Variants in ADAMTS19 observed in about 807,000 individuals in gnomAD.
ADAMTS19 encodes ADAM metallopeptidase with thrombospondin type 1 motif 19.
In ADAMTS19, 93 loss-of-function variants were observed where a neutral mutation model predicts 153.3. The ratio of observed to expected loss-of-function variants is 0.61; its 90% CI spans 0.51 to 0.72. The LOEUF (loss-of-function observed/expected upper bound fraction) is 0.72. Among genes scored for constraint, ADAMTS19 ranks in the 30% least tolerant of loss-of-function variants. The pLI is 0.00. For synonymous variants in ADAMTS19, 600 were observed against 556.6 expected (o/e 1.08, Z -1.10); for missense variants, 1,482 against 1,552.1 (o/e 0.95, Z 0.76).
At chr5:129,524,464 A>G (rs1276837494) in intron 3 of ADAMTS19, among the ~76,000 whole-genome samples, 1 of 152,194 alleles carries the variant, frequency 6.6e-6, no homozygotes, top group Non-Finnish European at 1.5e-5. Context: ...ATGGGATCTA[A>G]TTAAACTGAA....
At chr5:129,478,307 C>A (rs1580988998) in intron 2 of ADAMTS19, among the ~76,000 whole-genome samples, 1 of 152,208 alleles carries the variant, frequency 6.6e-6, no homozygotes, top group East Asian at 1.9e-4. Context: ...AGTTCCTTAG[C>A]ACAAATCTGG....
At chr5:129,642,739 G>A (rs541800967) in intron 11 of ADAMTS19, among the ~76,000 whole-genome samples, 16 of 152,094 alleles carry the variant, frequency 1.1e-4, no homozygotes, top group Non-Finnish European at 2.2e-4. Flanking sequence ...AAATAGCAAC[G>A]TAAAGAACCT....
In ADAMTS19 at chr5:129,641,988, A is replaced by G. The variant is rs569335929; in HGVS notation, c.1872+28A>G. The G allele has an allele frequency of 1.2e-5, 17 of 1,421,352 alleles. No homozygotes were observed. The South Asian group carries it at 2.0e-4, about 17-fold the overall frequency. 88.0% of individuals were successfully genotyped at this position (1,421,352 alleles called of 1,614,324 possible). A position where few individuals can be genotyped will look rare whatever the true frequency, so the allele number is the denominator to read the frequency against. On this transcript the variant is annotated intron_variant, in intron 11 of 22. Transcript: ENST00000274487. ...AAGTCATTTGTGTTGTCTGAATTTA[A>G]TGAGCATACTAGATGAAACTTGAGA...
At chr5:129,670,113 A>G (rs907695145) in intron 16 of ADAMTS19, among the ~76,000 whole-genome samples, 7 of 152,176 alleles carry the variant, frequency 4.6e-5, no homozygotes, top group Admixed American at 6.5e-5. Context: ...GTTACTCAAA[A>G]TTATTACTTT....
In ADAMTS19 at chr5:129,622,252, G is replaced by C. The variant is rs1417774569; in HGVS notation, c.1674G>C (p.Val558=). The C allele has an allele frequency of 6.2e-7, 1 of 1,613,986 alleles. No homozygotes were observed. Among genetic ancestry groups the C allele is most frequent in the Non-Finnish European group, 8.5e-7 (1 of 1,179,996 alleles). ...CAAATCCGCAGAGTGTCAATTCTGT[G>C]ATGGTTCCCTCCAAGCTGCCAGGGA... ...LQTNPQSVNS[V]MVPSKLPGMT... is the part of the protein sequence containing the mutation. Residue 558 remains valine, a synonymous_variant, in exon 10 of 23, where the codon GTG becomes GTC. Coordinates refer to ENST00000274487, the MANE Select transcript of ADAMTS19 (RefSeq NM_133638.6).
rs1330160460 is a variant in ADAMTS19 at position 129,654,370 on chromosome 5, AGTGATGGATGGAACTTCTT to A, written c.2245_2263del (p.Met749AlafsTer5). The A allele has an allele frequency of 6.8e-6, 11 of 1,613,278 alleles. No homozygotes were observed. Among genetic ancestry groups the A allele is most frequent in the Non-Finnish European group, 9.3e-6 (11 of 1,179,730 alleles). On this transcript the variant is annotated frameshift_variant, in exon 14 of 23. Transcript: ENST00000274487. LOFTEE classifies it high-confidence loss of function. ...AACAGCCTATTCTTCTATCAGAAAA[AGTGATGGATGGAACTTCTT>A]GTGGCTATCAGGGATTAGATATCTG...
chr5:129,559,179 G>T (rs1753414489), intron 7 of ADAMTS19, among the ~76,000 whole-genome samples: 1 of 151,894 alleles, frequency 6.6e-6, no homozygotes, highest in Admixed American at 6.6e-5. Flanking sequence ...TATTATTGAA[G>T]ACATTACAAT....
intron 2 of ADAMTS19, among the ~76,000 whole-genome samples, chr5:129,465,052 T>C (rs1749806352): frequency 6.6e-6 from 1 of 152,088 alleles, no homozygotes; most frequent in African/African-American, 2.4e-5. Flanking sequence ...AACAGGGAAA[T>C]ACAATAGGTT....
In ADAMTS19 at chr5:129,700,002, C is replaced by T. The variant is rs151028707; in HGVS notation, c.2955-1386C>T. 3.5e-3 allele frequency among the ~76,000 whole-genome samples: 527 copies of T among 152,188 alleles called. 8 individuals carry two copies. The highest frequency in any genetic ancestry group is 0.017 in the Middle Eastern group (5 of 294). ...CTAATAAGGTACCTACAAATAACCTCGGGGATTCTGACTGCTCTATATTGT... is the reference window on the plus strand; with the variant it reads ...CTAATAAGGTACCTACAAATAACCTTGGGGATTCTGACTGCTCTATATTGT... On this transcript the variant is annotated intron_variant, in intron 19 of 22. Coordinates refer to ENST00000274487, the MANE Select transcript of ADAMTS19 (RefSeq NM_133638.6).
At chr5:129,617,560 C>T (rs1751586530) in intron 8 of ADAMTS19, among the ~76,000 whole-genome samples, 1 of 152,032 alleles carries the variant, frequency 6.6e-6, no homozygotes, top group South Asian at 2.1e-4. Flanking sequence ...AAGATTATGC[C>T]ACCACAGATG....
intron 21 of ADAMTS19, among the ~76,000 whole-genome samples, chr5:129,706,756 AC>A (rs1257074689): frequency 6.6e-6 from 1 of 152,184 alleles, no homozygotes; most frequent in Non-Finnish European, 1.5e-5. Context: ...CTTGACAAAT[AC>A]TATTACTTTT....
At chr5:129,523,829 GA>G (rs763041684) in intron 3 of ADAMTS19, among the ~76,000 whole-genome samples, 3 of 150,862 alleles carry the variant, frequency 2.0e-5, no homozygotes, top group Admixed American at 6.6e-5. Flanking sequence ...AAACAAATGA[GA>G]AAAAAAAATC....
At chr5:129,615,624 A>G (rs1025460873) in intron 8 of ADAMTS19, among the ~76,000 whole-genome samples, 2 of 151,990 alleles carry the variant, frequency 1.3e-5, no homozygotes, top group African/African-American at 4.8e-5. Context: ...GCTTTTTTAT[A>G]TTAATACACT....
At chr5:129,500,483 G>C (rs1751063649) in intron 2 of ADAMTS19, 1 of 152,158 alleles carries the variant, frequency 6.6e-6, no homozygotes, top group Non-Finnish European at 1.5e-5. Flanking sequence ...GGGGATCTCA[G>C]TCTTTTCCTG....
rs761174002 is a variant in ADAMTS19 at position 129,596,630 on chromosome 5, C to G, written c.1444C>G (p.Leu482Val). ...CIIAEDNGLN[L>V]AFTIAHEMGH... ...TATTGCTGAAGACAATGGCTTGAATCTTGCTTTTACAATTGCTCATGAAAT... is the reference window on the plus strand; with the variant it reads ...TATTGCTGAAGACAATGGCTTGAATGTTGCTTTTACAATTGCTCATGAAAT... Residue 482 changes from leucine to valine, a missense_variant, in exon 8 of 23, where the codon CTT becomes GTT. Leu to Val is a conservative substitution (Grantham distance 32, BLOSUM62 1). Transcript: ENST00000274487. The G allele has an allele frequency of 2.5e-6, 4 of 1,606,638 alleles. No individual in the cohort carries two copies. Among genetic ancestry groups the G allele is most frequent in the Admixed American group, 1.7e-5 (1 of 58,880 alleles).
At chr5:129,522,978 C>T (rs1309056640) in intron 3 of ADAMTS19, among the ~76,000 whole-genome samples, 2 of 151,600 alleles carry the variant, frequency 1.3e-5, no homozygotes, top group African/African-American at 4.9e-5. Flanking sequence ...ATCACGAGAA[C>T]CCAGAGGCAG....
At chr5:129,702,582 C>T (rs1581242447) in intron 20 of ADAMTS19, among the ~76,000 whole-genome samples, 1 of 152,066 alleles carries the variant, frequency 6.6e-6, no homozygotes, top group Non-Finnish European at 1.5e-5. Flanking sequence ...CTGGCTTTCT[C>T]TTTTCTTACT....
intron 2 of ADAMTS19, among the ~76,000 whole-genome samples, chr5:129,505,561 C>G (rs1290652987): frequency 6.6e-6 from 1 of 152,008 alleles, no homozygotes; most frequent in East Asian, 1.9e-4. Flanking sequence ...GTTTTAGTGT[C>G]AGCACATCTA....
In ADAMTS19 at chr5:129,704,282, G is replaced by C. The variant is rs1438041952; in HGVS notation, c.3203G>C (p.Arg1068Thr). Residue 1068 changes from arginine to threonine, a missense_variant, in exon 21 of 23, where the codon AGA becomes ACA. Coordinates refer to ENST00000274487, the MANE Select transcript of ADAMTS19 (RefSeq NM_133638.6). ...CGKGIRHRTVRCTNPRKKCVL... is the reference protein window; with the variant it reads ...CGKGIRHRTVTCTNPRKKCVL... Reference sequence around the variant, plus strand: ...AAAGGCATACGTCATCGGACCGTTAGATGTACCAACCCAAGAAAGAAGTGT... The same window carrying C: ...AAAGGCATACGTCATCGGACCGTTACATGTACCAACCCAAGAAAGAAGTGT... 1 of 1,614,134 alleles carries C rather than the reference G, an allele frequency of 6.2e-7. No individual in the cohort carries two copies. Among genetic ancestry groups the C allele is most frequent in the Non-Finnish European group, 8.5e-7 (1 of 1,179,990 alleles).
Sources: gnomAD v4.1 joint callset for allele counts (sites outside exome capture counted in the v4.1 genomes callset) on GRCh38, gnomAD v4.1.1 for gene constraint, MANE v1.5 for transcripts, NCBI Gene and HGNC (gene_info 2026-07-23, HGNC 2026-07-21) for gene names.